The following NTNG1 variants were observed in gnomAD, a reference collection of about 807,000 sequenced individuals.
NTNG1 encodes netrin G1.
Under a neutral mutation model 54.0 loss-of-function variants are expected in NTNG1, and 16 were observed. The observed-to-expected ratio is 0.30, with a 90% CI of 0.20 to 0.45. The LOEUF (loss-of-function observed/expected upper bound fraction) is 0.45. Ranked by LOEUF, NTNG1 falls within the 20% of genes least tolerant of loss-of-function variation. The probability of loss-of-function intolerance (pLI) is 1.00; values close to 1 mark genes in which losing one functional copy is unlikely to be tolerated. For synonymous variants in NTNG1, 255 were observed against 263.1 expected, an observed-to-expected ratio of 0.97 and a Z score of 0.30; for missense variants, 530 against 678.7, an observed-to-expected ratio of 0.78 and a Z score of 2.43.
intron 2 of NTNG1, among the ~76,000 whole-genome samples, chr1:107,213,710 C>T (rs1302455682): frequency 1.3e-5 from 2 of 152,076 alleles, no homozygotes; most frequent in Non-Finnish European, 2.9e-5. Flanking sequence ...TGTCTTTGTT[C>T]TTTCCTAATC....
intron 7 of NTNG1, among the ~76,000 whole-genome samples, chr1:107,469,363 C>G (rs1677829722): frequency 6.6e-6 from 1 of 152,218 alleles, no homozygotes; most frequent in Non-Finnish European, 1.5e-5. Context: ...TTAGCTCCCT[C>G]TCCCATTCCC....
chr1:107,181,719 T>G (rs1029193156), intron 2 of NTNG1, among the ~76,000 whole-genome samples: 2 of 152,164 alleles, frequency 1.3e-5, no homozygotes, highest in Admixed American at 1.3e-4. Flanking sequence ...CCTTGCTGTC[T>G]GCACTGACTT....
intron 3 of NTNG1, among the ~76,000 whole-genome samples, chr1:107,385,953 C>T (rs1671943303): frequency 6.6e-6 from 1 of 151,036 alleles, no homozygotes; most frequent in Non-Finnish European, 1.5e-5. Context: ...TATCCATCAA[C>T]AGTCACTCCC....
intron 2 of NTNG1, among the ~76,000 whole-genome samples, chr1:107,313,297 G>C (rs1667131964): frequency 6.6e-6 from 1 of 152,148 alleles, no homozygotes; most frequent in South Asian, 2.1e-4. Flanking sequence ...ATATTTCCAA[G>C]TGATACCTGC....
chr1:107,332,410 C>G (rs1371838720), intron 3 of NTNG1, among the ~76,000 whole-genome samples: 1 of 152,052 alleles, frequency 6.6e-6, no homozygotes, highest in African/African-American at 2.4e-5. Context: ...AAAATAATTT[C>G]TTCCCTCATT....
At chr1:107,480,573 C>CCCCCCCCCCCCCCCCCAA in intron 7 of NTNG1, 38 bp from the exon 8 acceptor site, 1 of 559,904 alleles carries the variant, frequency 1.8e-6, no homozygotes, top group Non-Finnish European at 3.4e-6. Flanking sequence ...TTCTCCTCCC[C>CCCCCCCCCCCCCCCCCAA]GCGCCCACCC....
intron 2 of NTNG1, among the ~76,000 whole-genome samples, chr1:107,221,658 A>G (rs1465930264): frequency 2.0e-5 from 3 of 152,212 alleles, no homozygotes; most frequent in African/African-American, 7.2e-5. Context: ...GGTGGAAGGC[A>G]AAGCCTGTGT....
Position 107,234,915 on chromosome 1 carries a change from A to G in NTNG1, c.246+86076A>G, listed in dbSNP as rs1661306864. Among the ~76,000 whole-genome samples the G allele has an allele frequency of 2.6e-5, 4 of 152,144 alleles. No homozygotes were observed. In the South Asian group the frequency reaches 8.3e-4, roughly 32 times the overall value. On this transcript the variant is annotated intron_variant, in intron 2 of 7. Coordinates refer to ENST00000370068, the MANE Select transcript of NTNG1 (RefSeq NM_001113226.3). ...ACAGGATACAGAAAGATGGGGCAAG[A>G]CCTCCAGCAGAGTATCATGCATAAG...
intron 3 of NTNG1, among the ~76,000 whole-genome samples, chr1:107,373,382 G>A (rs1671042375): frequency 6.6e-6 from 1 of 151,702 alleles, no homozygotes; most frequent in South Asian, 2.1e-4. Context: ...TCCCCTCTCA[G>A]ACTTTATGAT....
chr1:107,227,522 G>A (rs1348099697), intron 2 of NTNG1, among the ~76,000 whole-genome samples: 1 of 152,018 alleles, frequency 6.6e-6, no homozygotes, highest in Non-Finnish European at 1.5e-5. Context: ...CTCCTCGGTT[G>A]GTCCCTTGAG....
chr1:107,454,688 T>A (rs1676828337), intron 7 of NTNG1, among the ~76,000 whole-genome samples: 1 of 152,236 alleles, frequency 6.6e-6, no homozygotes, highest in African/African-American at 2.4e-5. Context: ...CATAAATAGC[T>A]ATCATCTATT....
intron 2 of NTNG1, among the ~76,000 whole-genome samples, chr1:107,247,032 T>C (rs1276845448): frequency 6.6e-6 from 1 of 152,226 alleles, no homozygotes; most frequent in African/African-American, 2.4e-5. Flanking sequence ...GAGATGAGGC[T>C]GTCTTCCTAC....
At chr1:107,412,258 A>G (rs991759161) in intron 5 of NTNG1, among the ~76,000 whole-genome samples, 11 of 152,202 alleles carry the variant, frequency 7.2e-5, no homozygotes, top group Non-Finnish European at 1.6e-4. Context: ...GTACTGTGCC[A>G]GTTACTTCAA....
intron 3 of NTNG1, among the ~76,000 whole-genome samples, chr1:107,348,967 A>G (rs1408763192): frequency 1.3e-5 from 2 of 152,164 alleles, no homozygotes; most frequent in East Asian, 3.9e-4. Context: ...TGGCTTTTAA[A>G]TGCATTTCAG....
At chr1:107,477,956 T>A (rs684621) in intron 7 of NTNG1, among the ~76,000 whole-genome samples, 1 of 152,154 alleles carries the variant, frequency 6.6e-6, no homozygotes, top group Admixed American at 6.5e-5. Context: ...GATTTAAACT[T>A]CATAAGAGCA....
At chr1:107,411,156 C>T (rs1673775257) in intron 5 of NTNG1, among the ~76,000 whole-genome samples, 1 of 150,498 alleles carries the variant, frequency 6.6e-6, no homozygotes. Flanking sequence ...GCATAGAATA[C>T]TGAGGAAGGT....
intron 3 of NTNG1, among the ~76,000 whole-genome samples, chr1:107,360,953 C>T (rs1260175437): frequency 6.6e-6 from 1 of 151,806 alleles, no homozygotes; most frequent in Non-Finnish European, 1.5e-5. Flanking sequence ...ATACATGACA[C>T]ATAAATCTGC....
chr1:107,418,668 C>A (rs375252396), intron 5 of NTNG1: 3 of 1,525,658 alleles, frequency 2.0e-6, no homozygotes, highest in Admixed American at 1.9e-5. Flanking sequence ...AAAATTCCTA[C>A]GGACATAAAA....
intron 2 of NTNG1, among the ~76,000 whole-genome samples, chr1:107,263,403 C>T (rs1663503002): frequency 6.7e-6 from 1 of 150,286 alleles, no homozygotes; most frequent in African/African-American, 2.5e-5. Context: ...GAGGCCTTTG[C>T]TAATTTTTGA....
Sources: gnomAD v4.1 joint callset for allele counts (sites outside exome capture counted in the v4.1 genomes callset) on GRCh38, gnomAD v4.1.1 for gene constraint, MANE v1.5 for transcripts, NCBI Gene and HGNC (gene_info 2026-07-23, HGNC 2026-07-21) for gene names.